Variants in CHMP3 observed in about 807,000 individuals in gnomAD.
CHMP3 encodes the protein charged multivesicular body protein 3.
A neutral mutation model predicts 27.4 loss-of-function variants in CHMP3; 8 were observed. That is an observed-to-expected ratio of 0.29 (90% confidence interval 0.17 to 0.53). CHMP3 has a LOEUF of 0.53. CHMP3 is among the 20% of genes least tolerant of loss of function. The probability of loss-of-function intolerance (pLI) is 0.96; values close to 1 mark genes in which losing one functional copy is unlikely to be tolerated. For synonymous variants in CHMP3, 86 were observed against 85.5 expected (o/e 1.01, Z -0.03); for missense variants, 208 against 271.5 (o/e 0.77, Z 1.64).
intron 1 of CHMP3, among the ~76,000 whole-genome samples, chr2:86,559,070 G>T (rs570153196): frequency 1.1e-4 from 17 of 152,152 alleles, no homozygotes; most frequent in Admixed American, 1.1e-3. Flanking sequence ...GTCTATGAGG[G>T]TGTTTCTGGA....
chr2:86,508,837 G>A (rs1299953202), intron 4 of CHMP3, among the ~76,000 whole-genome samples: 1 of 152,172 alleles, frequency 6.6e-6, no homozygotes, highest in African/African-American at 2.4e-5. Flanking sequence ...TGAAACCCTA[G>A]GGCCTTCCTG....
chr2:86,563,324 C>T lies in CHMP3; in HGVS notation c.25G>A (p.Glu9Lys), dbSNP rs1425230936. Residue 9 changes from glutamate to lysine, a missense_variant, in exon 1 of 6, where the codon GAG becomes AAG. By Grantham distance (56) the Glu-to-Lys change is moderately conservative. Around this residue, in one of 3 missense-constraint regions of CHMP3, gnomAD observed 52 missense variants for 43.5 expected, o/e 1.19. Transcript: ENST00000263856. ...CTTACCAGTTCTTTGGGCGGCTTCT[C>T]CTGGGTCTTTCCAAACAGCCCCATG... MGLFGKTQEKPPKELVNEW... is the reference protein window; with the variant it reads MGLFGKTQKKPPKELVNEW... 3 of 1,614,108 alleles carry T rather than the reference C, an allele frequency of 1.9e-6. No homozygotes were observed. The highest frequency in any genetic ancestry group is 2.5e-6 in the Non-Finnish European group (3 of 1,179,976).
chr2:86,535,550 C>A (rs1316677820), intron 2 of CHMP3, among the ~76,000 whole-genome samples: 1 of 152,130 alleles, frequency 6.6e-6, no homozygotes, highest in Non-Finnish European at 1.5e-5. Flanking sequence ...ATCACTCAGG[C>A]TAGAGTGCAG....
At chr2:86,510,316 C>T (rs768449615) in intron 4 of CHMP3, 42 bp downstream of exon 4, 5 of 1,500,516 alleles carry the variant, frequency 3.3e-6, no homozygotes, top group Non-Finnish European at 4.5e-6. Flanking sequence ...TTTAGAGTGA[C>T]TCTGGGGTTT....
At chr2:86,511,928 C>A (rs926656662) in intron 3 of CHMP3, 4 of 151,950 alleles carry the variant, frequency 2.6e-5, no homozygotes, top group Non-Finnish European at 5.9e-5. Context: ...GTATAAATTT[C>A]TGATTATTAG....
At chr2:86,512,845 G>A (rs1002790223) in intron 3 of CHMP3, among the ~76,000 whole-genome samples, 11 of 152,208 alleles carry the variant, frequency 7.2e-5, no homozygotes, top group Admixed American at 2.6e-4. Context: ...AAACCCCTTA[G>A]AATGGCCCAA....
At chr2:86,556,025 C>A (rs758325828) in intron 1 of CHMP3, among the ~76,000 whole-genome samples, 1 of 151,746 alleles carries the variant, frequency 6.6e-6, no homozygotes. Flanking sequence ...TATTTAAGAG[C>A]GAAATTAAAG....
At chr2:86,530,137 C>A (rs1164150904) in intron 2 of CHMP3, among the ~76,000 whole-genome samples, 1 of 151,998 alleles carries the variant, frequency 6.6e-6, no homozygotes, top group Non-Finnish European at 1.5e-5. Flanking sequence ...GGATTACAAG[C>A]ACCCACCACG....
chr2:86,559,503 C>T (rs1677263743), intron 1 of CHMP3, among the ~76,000 whole-genome samples: 1 of 152,228 alleles, frequency 6.6e-6, no homozygotes, highest in Admixed American at 6.5e-5. Context: ...ACTAATACAC[C>T]ATCCCTGCTT....
intron 1 of CHMP3, among the ~76,000 whole-genome samples, chr2:86,560,467 C>T (rs1257030889): frequency 6.6e-6 from 1 of 151,986 alleles, no homozygotes; most frequent in South Asian, 2.1e-4. Flanking sequence ...GATCAGAAAA[C>T]CGAACACCGC....
intron 1 of CHMP3, 52 bp downstream of exon 1, chr2:86,563,252 A>C: frequency 6.3e-7 from 1 of 1,599,320 alleles, no homozygotes; most frequent in South Asian, 1.1e-5. Context: ...TACCAACTTC[A>C]CTACGCCCCA....
chr2:86,559,361 C>A (rs1029581073), intron 1 of CHMP3, among the ~76,000 whole-genome samples: 2 of 152,198 alleles, frequency 1.3e-5, no homozygotes, highest in Admixed American at 6.5e-5. Flanking sequence ...TTCTCTGGGT[C>A]TCCAGCTTAC....
chr2:86,520,817 C>T (rs889588821), intron 3 of CHMP3, among the ~76,000 whole-genome samples: 2 of 152,150 alleles, frequency 1.3e-5, no homozygotes, highest in African/African-American at 4.8e-5. Flanking sequence ...CATGGCCTGT[C>T]CTTCTAGACA....
At chr2:86,536,217 C>G (rs1274477526) in intron 2 of CHMP3, among the ~76,000 whole-genome samples, 2 of 151,684 alleles carry the variant, frequency 1.3e-5, no homozygotes, top group Non-Finnish European at 2.9e-5. Flanking sequence ...CCGGGATGGT[C>G]TCGATCTCCT....
chr2:86,556,171 A>C (rs1677113698), intron 1 of CHMP3, among the ~76,000 whole-genome samples: 1 of 152,238 alleles, frequency 6.6e-6, no homozygotes. Context: ...TAATGGTACA[A>C]ATTCAACAGC....
At chr2:86,540,438 G>A (rs1573281464) in intron 2 of CHMP3, among the ~76,000 whole-genome samples, 1 of 152,132 alleles carries the variant, frequency 6.6e-6, no homozygotes, top group South Asian at 2.1e-4. Context: ...GGGACCAAAT[G>A]TCTTTCAGGC....
At chr2:86,527,998 T>C (rs1675780847) in intron 3 of CHMP3, among the ~76,000 whole-genome samples, 1 of 152,118 alleles carries the variant, frequency 6.6e-6, no homozygotes, top group Admixed American at 6.6e-5. Context: ...ATAATCTTGA[T>C]AGATTTTTTA....
intron 1 of CHMP3, among the ~76,000 whole-genome samples, chr2:86,554,814 C>CGTGTGTGTGT (rs769149856): frequency 0.056 from 7,658 of 137,908 alleles, 285 homozygotes; most frequent in Middle Eastern, 0.11. Flanking sequence ...TGTGTGTGCG[C>CGTGTGTGTGT]GCGTGTGTGT....
intron 1 of CHMP3, chr2:86,561,595 G>GA (rs1468916206): frequency 6.6e-6 from 1 of 152,114 alleles, no homozygotes; most frequent in Non-Finnish European, 1.5e-5. Flanking sequence ...ATAATGGGGG[G>GA]AAAAACAACT....
Sources: allele counts gnomAD v4.1 joint callset (sites outside exome capture counted in the v4.1 genomes callset), GRCh38; gene constraint gnomAD v4.1.1; regional missense constraint gnomAD v4.1.1; transcripts MANE v1.5; gene names NCBI Gene and HGNC (gene_info 2026-07-23, HGNC 2026-07-21).